PHTF1: variants seen among roughly 807,000 people sequenced by gnomAD.
PHTF1 encodes the protein putative homeodomain transcription factor 1, also known as protein PHTF1.
PHTF1 carries 88 observed loss-of-function variants against 102.4 expected under a neutral mutation model. That is an observed-to-expected ratio of 0.86 (90% confidence interval 0.72 to 1.03). The LOEUF (loss-of-function observed/expected upper bound fraction) is 1.03. PHTF1 is among the 50% of genes least tolerant of loss of function. The pLI, the probability that PHTF1 is intolerant of heterozygous loss-of-function variation, is 0.00. For missense variants in PHTF1, 814 were observed against 909.5 expected (o/e 0.89, Z 1.35); for synonymous variants, 289 against 305.2 (o/e 0.95, Z 0.55).
At position 113,699,622 on chromosome 1, in the gene PHTF1, C is replaced by T. The variant is rs1649222763; in HGVS notation, c.2142+82G>A. 14 of 723,680 alleles carry T rather than the reference C, an allele frequency of 1.9e-5. No homozygotes were observed. The East Asian group carries it at 3.8e-4, about 19-fold the overall frequency. The allele number at this position is 723,680 out of a possible 1,614,324, so 44.8% of individuals were successfully genotyped here. A position where few individuals can be genotyped will look rare whatever the true frequency, so the allele number is the denominator to read the frequency against. ...CAGGACCCCTCCCAACCCAAGGTAT[C>T]ATCTGCCATTTAATGTTTTCTTAGA... On this transcript the variant is annotated intron_variant, in intron 17 of 18. Transcript: ENST00000369604.
intron 7 of PHTF1, among the ~76,000 whole-genome samples, chr1:113,717,222 A>C (rs1217124401): frequency 1.3e-5 from 2 of 152,158 alleles, no homozygotes; most frequent in East Asian, 3.8e-4. Context: ...AAATAATAAA[A>C]GATGCATAAA....
chr1:113,697,601 A>T lies in PHTF1; in HGVS notation c.*104T>A, dbSNP rs1172186484. On this transcript the variant is annotated 3_prime_UTR_variant, in exon 19 of 19. Transcript: ENST00000369604. ...TTGGCAGAGCTGAGAGCACCTGTGC[A>T]TGTGAACAAGCAGGTGGGTATCTCA... 2 of 791,296 alleles carry T rather than the reference A, an allele frequency of 2.5e-6. No homozygotes were observed. Among genetic ancestry groups the T allele is most frequent in the Admixed American group, 3.9e-5 (2 of 51,910 alleles). The allele number at this position is 791,296 out of a possible 1,614,324, so 49.0% of individuals were successfully genotyped here. A position where few individuals can be genotyped will look rare whatever the true frequency, so the allele number is the denominator to read the frequency against.
At chr1:113,716,028 G>A (rs1651970333) in intron 7 of PHTF1, among the ~76,000 whole-genome samples, 1 of 152,122 alleles carries the variant, frequency 6.6e-6, no homozygotes. Context: ...GGTAGAGAGA[G>A]AGACAGGAGT....
intron 5 of PHTF1, among the ~76,000 whole-genome samples, chr1:113,728,468 T>C (rs972746707): frequency 3.9e-5 from 6 of 152,162 alleles, no homozygotes; most frequent in African/African-American, 1.2e-4. Context: ...GGAGAGGATA[T>C]GGAGAAAAGG....
At chr1:113,741,994 C>G (rs1345924702) in intron 3 of PHTF1, among the ~76,000 whole-genome samples, 3 of 152,100 alleles carry the variant, frequency 2.0e-5, no homozygotes, top group African/African-American at 7.2e-5. Flanking sequence ...ACTTTAGAAT[C>G]CTTCTGCTTT....
intron 14 of PHTF1, among the ~76,000 whole-genome samples, 182 bp from the exon 15 acceptor site, chr1:113,704,349 C>A (rs979155559): frequency 1.3e-5 from 2 of 152,158 alleles, no homozygotes; most frequent in African/African-American, 4.8e-5. Context: ...CCATGCATTT[C>A]CAAATTAAGG....
intron 3 of PHTF1, among the ~76,000 whole-genome samples, chr1:113,750,563 AGAG>A (rs1657899871): frequency 6.6e-6 from 1 of 152,168 alleles, no homozygotes. Flanking sequence ...AGTATGCTAA[AGAG>A]TAGTAAAAGG....
At chr1:113,758,836 G>A in intron 1 of PHTF1, 103 bp from the exon 2 acceptor site, 1 of 1,387,306 alleles carries the variant, frequency 7.2e-7, no homozygotes, top group Non-Finnish European at 9.4e-7. Flanking sequence ...TCCATGAGCT[G>A]CTCTTTCTCC....
intron 11 of PHTF1, 125 bp from the exon 12 acceptor site, chr1:113,706,847 CTTTCTTT>C: frequency 6.4e-6 from 2 of 312,098 alleles, no homozygotes; most frequent in Non-Finnish European, 1.1e-5. Flanking sequence ...TCCTTTCTTT[CTTTCTTT>C]TTTTTTTTTT....
chr1:113,733,346 G>T (rs938556451), intron 5 of PHTF1, among the ~76,000 whole-genome samples: 11 of 151,896 alleles, frequency 7.2e-5, no homozygotes, highest in Non-Finnish European at 4.4e-5. Flanking sequence ...TCTTTGATCT[G>T]TTAATTCTAT....
At chr1:113,709,688 G>C (rs189571936) in intron 11 of PHTF1, among the ~76,000 whole-genome samples, 2 of 152,166 alleles carry the variant, frequency 1.3e-5, no homozygotes, top group East Asian at 3.9e-4. Flanking sequence ...TATCTCATTA[G>C]CTATTTCACA....
Position 113,710,433 on chromosome 1 carries a change from T to G in PHTF1, c.1090A>C (p.Met364Leu). Reference sequence around the variant, plus strand: ...GTGCTTTCTGAGTCTCTTCTTGACATGTTGAGGCTTCGAGAGCCACCACTC... The same window carrying G: ...GTGCTTTCTGAGTCTCTTCTTGACAGGTTGAGGCTTCGAGAGCCACCACTC... Reference protein sequence around the residue: ...GVSGGSRSLNMSRRDSESTRH... With the variant: ...GVSGGSRSLNLSRRDSESTRH... The change falls in exon 11 of 19, where the codon ATG becomes CTG. Residue 364 changes from methionine to leucine, a missense_variant. Coordinates refer to ENST00000369604, the MANE Select transcript of PHTF1 (RefSeq NM_001323043.2). 1 of 1,614,086 alleles carries G rather than the reference T, an allele frequency of 6.2e-7. No individual in the cohort carries two copies. The highest frequency in any genetic ancestry group is 8.5e-7 in the Non-Finnish European group (1 of 1,180,014).
chr1:113,757,131 C>G (rs1176167908), intron 3 of PHTF1, among the ~76,000 whole-genome samples: 1 of 152,122 alleles, frequency 6.6e-6, no homozygotes, highest in African/African-American at 2.4e-5. Context: ...CACGCCACTG[C>G]ACTCCAGCCT....
At chr1:113,753,440 A>AT (rs991325441) in intron 3 of PHTF1, among the ~76,000 whole-genome samples, 4 of 127,422 alleles carry the variant, frequency 3.1e-5, no homozygotes, top group Non-Finnish European at 6.8e-5. Flanking sequence ...TTTTTTTTTT[A>AT]TTTTTGAGAC....
chr1:113,742,566 AGCCAAGATCGC>A (rs1656554160), intron 3 of PHTF1, among the ~76,000 whole-genome samples: 1 of 152,084 alleles, frequency 6.6e-6, no homozygotes, highest in Non-Finnish European at 1.5e-5. Context: ...GGTTGCAGTG[AGCCAAGATCGC>A]GCCATTGCAC....
At chr1:113,738,388 A>T (rs1211058203) in intron 4 of PHTF1, 120 bp from the exon 5 acceptor site, 4 of 667,042 alleles carry the variant, frequency 6.0e-6, no homozygotes, top group Non-Finnish European at 7.4e-6. Flanking sequence ...GTTCAGTTAA[A>T]AAAAAAAACC....
At chr1:113,754,747 C>G (rs1658592193) in intron 3 of PHTF1, among the ~76,000 whole-genome samples, 1 of 152,134 alleles carries the variant, frequency 6.6e-6, no homozygotes. Flanking sequence ...TTCAAAAACA[C>G]AGATATGATG....
chr1:113,699,927 A>G (rs1449941611), intron 16 of PHTF1, 128 bp from the exon 17 acceptor site: 3 of 685,916 alleles, frequency 4.4e-6, no homozygotes, highest in Non-Finnish European at 7.1e-6. Context: ...AGCTATCGCT[A>G]CAGAGAACAT....
chr1:113,738,675 A>G (rs1040147664), intron 4 of PHTF1, 55 bp downstream of exon 4: 7 of 1,000,988 alleles, frequency 7.0e-6, no homozygotes, highest in Non-Finnish European at 1.1e-5. Context: ...TTGAAAATTA[A>G]GCATCCCTGT....
Sources: allele counts gnomAD v4.1 joint callset (sites outside exome capture counted in the v4.1 genomes callset), GRCh38; gene constraint gnomAD v4.1.1; transcripts MANE v1.5; gene names NCBI Gene and HGNC (gene_info 2026-07-23, HGNC 2026-07-21).